NEXMIF: variants seen among roughly 807,000 people sequenced by gnomAD.
The protein encoded by NEXMIF is XLMR protein related to neurite extension.
NEXMIF carries 8 observed loss-of-function variants against 62.1 expected under a neutral mutation model. The observed-to-expected ratio is 0.13, with a 90% CI of 0.08 to 0.23. The LOEUF is 0.23. Among genes scored for constraint, NEXMIF ranks in the 10% least tolerant of loss-of-function variants. NEXMIF has a pLI of 1.00. For missense variants in NEXMIF, 976 were observed against 1,113.3 expected (o/e 0.88, Z 1.75); for synonymous variants, 404 against 416.6 (o/e 0.97, Z 0.37).
chrX:74,924,537 G>C (rs1004380356), intron 1 of NEXMIF, among the ~76,000 whole-genome samples: 2 of 113,300 alleles, frequency 1.8e-5, no homozygotes, highest in African/African-American at 6.4e-5. Context: ...CCCTGCACCA[G>C]TCCGAAAGGA....
Position 74,877,153 on chromosome X carries a change from C to T in NEXMIF, c.-48+47730G>A, listed in dbSNP as rs181510598. Among the ~76,000 whole-genome samples, 60 of 111,364 alleles carry T rather than the reference C, an allele frequency of 5.4e-4. No individual in the cohort carries two copies. The East Asian group carries it at 6.5e-3, about 12-fold the overall frequency. On this transcript the variant is annotated intron_variant, in intron 1 of 3. Transcript: ENST00000055682. ...ACAGGTCGTTCCTTTCCATGTTTAG[C>T]GCTTCCTTCAGGAGCTCTTTTAGGG... is the stretch of plus-strand genomic sequence containing the variant.
At chrX:74,794,621 C>T (rs1009708296) in intron 1 of NEXMIF, among the ~76,000 whole-genome samples, 3 of 112,044 alleles carry the variant, frequency 2.7e-5, no homozygotes, top group Non-Finnish European at 5.6e-5. Flanking sequence ...TGCTAGCAAT[C>T]AGCGAGACTC....
chrX:74,810,715 C>G (rs1426705409), intron 1 of NEXMIF, among the ~76,000 whole-genome samples: 10 of 110,792 alleles, frequency 9.0e-5, no homozygotes, highest in Admixed American at 7.7e-4. Flanking sequence ...AATCCATTTC[C>G]TGTACGGGCC....
chrX:74,741,567 G>T lies in NEXMIF; in HGVS notation c.2990C>A (p.Ala997Asp). The T allele has an allele frequency of 8.3e-7, 1 of 1,211,612 alleles. No homozygotes were observed. The highest frequency in any genetic ancestry group is 1.1e-6 in the Non-Finnish European group (1 of 895,423). ...ATTACTTGAGCTGACAGAGAGTGGG[G>T]CCATTGAATCAAAGCTAAAGAGCCG... is the stretch of plus-strand genomic sequence containing the variant. ...DGRLFSFDSM[A>D]PLSVSSSNYC... Residue 997 changes from alanine (A) to aspartate (D), a missense_variant, in exon 3 of 4, where the codon GCC becomes GAC. Ala to Asp is a moderately radical substitution (Grantham distance 126). Around this residue, in one of 5 missense-constraint regions of NEXMIF, gnomAD observed 639 missense variants for 694.5 expected, o/e 0.92. Transcript: ENST00000055682.
At chrX:74,828,440 T>C (rs1219403874) in intron 1 of NEXMIF, among the ~76,000 whole-genome samples, 2 of 111,820 alleles carry the variant, frequency 1.8e-5, no homozygotes, top group Admixed American at 9.5e-5. Context: ...TATTATCATA[T>C]AATTAACCAT....
intron 1 of NEXMIF, among the ~76,000 whole-genome samples, chrX:74,827,010 A>G (rs749188352): frequency 6.2e-5 from 7 of 112,026 alleles, no homozygotes; most frequent in Non-Finnish European, 1.3e-4. Context: ...AAGCTAAGTC[A>G]CATCTTTGCC....
rs1344430407 is a variant in NEXMIF, at chrX:74,802,189, G to A, written c.-47-56492C>T. On this transcript the variant is annotated intron_variant, in intron 1 of 3. Coordinates refer to ENST00000055682, the MANE Select transcript of NEXMIF (RefSeq NM_001008537.3). ...TGGGTGCTTTTGCCACATATTGATT[G>A]TGGAGTCCCAGGTACTCTGAACATA... is the stretch of plus-strand genomic sequence containing the variant. Among the ~76,000 whole-genome samples, 16 of 111,424 alleles carry A rather than the reference G, an allele frequency of 1.4e-4. No individual in the cohort carries two copies. The Admixed American group carries it at 1.5e-3, about 11-fold the overall frequency.
chrX:74,884,907 C>G (rs1244442536), intron 1 of NEXMIF, among the ~76,000 whole-genome samples: 1 of 111,322 alleles, frequency 9.0e-6, no homozygotes, highest in Non-Finnish European at 1.9e-5. Context: ...TAAAGCAGTC[C>G]TCAGCAAATG....
At chrX:74,751,174 G>A (rs992890850) in intron 1 of NEXMIF, among the ~76,000 whole-genome samples, 1 of 111,169 alleles carries the variant, frequency 9.0e-6, no homozygotes, top group Non-Finnish European at 1.9e-5. Context: ...AAGCCACAGT[G>A]AGCCAAGATC....
At chrX:74,879,420 T>C (rs898140326) in intron 1 of NEXMIF, among the ~76,000 whole-genome samples, 13 of 112,339 alleles carry the variant, frequency 1.2e-4, no homozygotes, top group African/African-American at 4.2e-4. Context: ...TCATCTGGAA[T>C]TATTTTATTT....
intron 1 of NEXMIF, among the ~76,000 whole-genome samples, chrX:74,875,471 T>C (rs1186900268): frequency 8.9e-6 from 1 of 112,024 alleles, no homozygotes; most frequent in African/African-American, 3.3e-5. Context: ...TGGTTGTGTC[T>C]CTGCCAGGCT....
intron 1 of NEXMIF, among the ~76,000 whole-genome samples, chrX:74,870,977 A>G (rs2080598438): frequency 8.9e-6 from 1 of 112,059 alleles, no homozygotes; most frequent in African/African-American, 3.2e-5. Flanking sequence ...GTGTATACCC[A>G]AAAGAAAGGA....
chrX:74,912,331 G>A (rs753115782), intron 1 of NEXMIF, among the ~76,000 whole-genome samples: 2 of 111,296 alleles, frequency 1.8e-5, no homozygotes, highest in South Asian at 3.9e-4. Context: ...TTCTGTTAAC[G>A]TTTCCTCAAT....
chrX:74,825,014 G>A (rs994231626), intron 1 of NEXMIF, among the ~76,000 whole-genome samples: 3 of 110,972 alleles, frequency 2.7e-5, no homozygotes, highest in Non-Finnish European at 5.7e-5. Flanking sequence ...CCTATCAACA[G>A]TATACAAGGG....
intron 1 of NEXMIF, among the ~76,000 whole-genome samples, chrX:74,755,444 C>T (rs184429218): frequency 2.2e-4 from 24 of 111,167 alleles, no homozygotes; most frequent in African/African-American, 7.9e-4. Flanking sequence ...TTTGATTTTA[C>T]TTTCAAAATA....
chrX:74,760,946 C>A (rs191114907), intron 1 of NEXMIF, among the ~76,000 whole-genome samples: 1 of 109,857 alleles, frequency 9.1e-6, no homozygotes, highest in Non-Finnish European at 1.9e-5. Context: ...TGGCTCACTG[C>A]AACCTCCGCC....
chrX:74,881,392 G>GCA (rs367805528), intron 1 of NEXMIF, among the ~76,000 whole-genome samples: 44,078 of 88,113 alleles, frequency 0.5, 9,678 homozygotes, highest in Non-Finnish European at 0.65. Context: ...ACATACACAT[G>GCA]CACACACACA....
intron 1 of NEXMIF, among the ~76,000 whole-genome samples, chrX:74,923,516 T>C (rs973831381): frequency 3.6e-5 from 4 of 111,946 alleles, no homozygotes; most frequent in African/African-American, 1.3e-4. Flanking sequence ...TCAATAAGTG[T>C]AAATTCTCCT....
chrX:74,782,904 C>CA (rs1457959257), intron 1 of NEXMIF, among the ~76,000 whole-genome samples: 5 of 111,599 alleles, frequency 4.5e-5, no homozygotes, highest in African/African-American at 1.6e-4. Context: ...CTAGGCCTTC[C>CA]AGTAATTAGA....
Sources: allele counts gnomAD v4.1 joint callset (sites outside exome capture counted in the v4.1 genomes callset), GRCh38; gene constraint gnomAD v4.1.1; regional missense constraint gnomAD v4.1.1; transcripts MANE v1.5; gene names NCBI Gene and HGNC (gene_info 2026-07-23, HGNC 2026-07-21).